SULF2: variants seen among roughly 807,000 people sequenced by gnomAD.
SULF2 encodes extracellular sulfatase Sulf-2.
SULF2 carries 52 observed loss-of-function variants against 107.7 expected under a neutral mutation model. The ratio of observed to expected loss-of-function variants is 0.48; its 90% confidence interval spans 0.39 to 0.61. SULF2 has a LOEUF of 0.61. SULF2 is among the 20% of genes least tolerant of loss of function. The probability of loss-of-function intolerance (pLI) is 0.00; values close to 1 mark genes in which losing one functional copy is unlikely to be tolerated. For synonymous variants in SULF2, 460 were observed against 464.3 expected, an observed-to-expected ratio of 0.99 and a Z score of 0.12; for missense variants, 993 against 1,177.3, an observed-to-expected ratio of 0.84 and a Z score of 2.29.
chr20:47,681,625 C>T (rs1200621655), intron 7 of SULF2, among the ~76,000 whole-genome samples: 2 of 152,176 alleles, frequency 1.3e-5, no homozygotes, highest in African/African-American at 4.8e-5. Context: ...GCCTCAGTGG[C>T]CTTGGGTGTA....
chr20:47,665,426 A>G lies in SULF2; in HGVS notation c.1903-133T>C. The G allele has an allele frequency of 5.7e-6, 4 of 699,458 alleles. 1 individual carries two copies. The highest frequency in any genetic ancestry group is 3.3e-5 in the South Asian group (2 of 60,968). 43.3% of individuals were successfully genotyped at this position (699,458 alleles called of 1,614,324 possible). ...CCTGCACTCCCCGGGCCCCAGGGCA[A>G]GCACCGGCATGTCTGGGTGGGGAGG... On this transcript the variant is annotated intron_variant, in intron 13 of 20. Transcript: ENST00000688720.
chr20:47,736,606 G>A, intron 3 of SULF2, 97 bp downstream of exon 3: 1 of 1,508,260 alleles, frequency 6.6e-7, no homozygotes, highest in African/African-American at 1.4e-5. Flanking sequence ...GGGCTATCCA[G>A]AATCAACTTG....
chr20:47,731,918 T>C (rs2089623197), intron 3 of SULF2, among the ~76,000 whole-genome samples: 1 of 152,226 alleles, frequency 6.6e-6, no homozygotes, highest in Non-Finnish European at 1.5e-5. Flanking sequence ...ATTTTGCTGA[T>C]TACCAGAGGC....
intron 3 of SULF2, among the ~76,000 whole-genome samples, chr20:47,713,611 G>A (rs906150405): frequency 3.3e-5 from 5 of 152,040 alleles, no homozygotes; most frequent in Non-Finnish European, 7.4e-5. Flanking sequence ...AGGGCCAGGC[G>A]TGGTGGCTCA....
At chr20:47,665,019 C>G (rs987415775) in intron 14 of SULF2, among the ~76,000 whole-genome samples, 180 bp downstream of exon 14, 4 of 152,208 alleles carry the variant, frequency 2.6e-5, no homozygotes, top group African/African-American at 9.7e-5. Flanking sequence ...GGCTGAGGAG[C>G]AGGTCCGTGT....
chr20:47,679,878 C>G (rs968933504), intron 7 of SULF2, among the ~76,000 whole-genome samples: 3 of 152,146 alleles, frequency 2.0e-5, no homozygotes, highest in Non-Finnish European at 4.4e-5. Context: ...GCCCCCTCCC[C>G]ACCCTCCCTG....
chr20:47,683,252 T>C (rs2087889236), intron 6 of SULF2, 83 bp from the exon 7 acceptor site: 2 of 1,397,176 alleles, frequency 1.4e-6, no homozygotes, highest in East Asian at 4.8e-5. Flanking sequence ...GCGCTTGAGA[T>C]CTCAGGCCCC....
Position 47,666,124 on chromosome 20 carries a change from T to C in SULF2, c.1805+136A>G, listed in dbSNP as rs973796317. On this transcript the variant is annotated intron_variant, in intron 12 of 20. Transcript: ENST00000688720. The surrounding 1 kb of genome is among the most constrained non-coding windows in gnomAD (Gnocchi z 5.4). ...TTTAATGGGGTTGGCGGCTGAATAG[T>C]CGGGAAGGCCTCCAGTGCCACTGAA... 6.2e-7 allele frequency: 1 copy of C among 1,611,758 alleles called. No individual in the cohort carries two copies.
intron 3 of SULF2, among the ~76,000 whole-genome samples, chr20:47,734,442 T>C (rs1204736834): frequency 6.6e-6 from 1 of 152,252 alleles, no homozygotes; most frequent in Non-Finnish European, 1.5e-5. Flanking sequence ...TTGAATTCAT[T>C]ATAGATTTTT....
intron 2 of SULF2, among the ~76,000 whole-genome samples, chr20:47,746,978 T>TTTA (rs1317317602): frequency 9.8e-5 from 5 of 51,198 alleles, no homozygotes; most frequent in Admixed American, 2.4e-4. Context: ...AGAACTTAAA[T>TTTA]AAATAAAAAA....
intron 3 of SULF2, among the ~76,000 whole-genome samples, chr20:47,723,262 A>G (rs975417544): frequency 6.6e-6 from 1 of 152,082 alleles, no homozygotes; most frequent in Non-Finnish European, 1.5e-5. Flanking sequence ...GAAAAAAAAA[A>G]AAGTTCACAA....
chr20:47,689,411 T>A (rs1199625580), intron 5 of SULF2: 1 of 152,266 alleles, frequency 6.6e-6, no homozygotes, highest in East Asian at 1.9e-4. Context: ...CCAGCTATCA[T>A]GCTGTGAGGA....
At chr20:47,735,865 C>A (rs1340779118) in intron 3 of SULF2, among the ~76,000 whole-genome samples, 1 of 152,130 alleles carries the variant, frequency 6.6e-6, no homozygotes, top group Admixed American at 6.5e-5. Context: ...GAGGAGGAGT[C>A]CATCCTTCCC....
Position 47,663,135 on chromosome 20 carries a change from A to G in SULF2, c.2305T>C (p.Phe769Leu), listed in dbSNP as rs770762384. The G allele has an allele frequency of 1.5e-5, 24 of 1,613,928 alleles. No homozygotes were observed. The South Asian group carries it at 2.5e-4, about 17-fold the overall frequency. Residue 769 changes from phenylalanine (F) to leucine (L), a missense_variant, in exon 17 of 21, where the codon TTC becomes CTC. By Grantham distance (22) the Phe-to-Leu change is conservative. This residue lies in a region of SULF2 where 497 missense variants were observed against 544.1 expected (regional missense o/e 0.91). Coordinates refer to ENST00000688720, the MANE Select transcript of SULF2 (RefSeq NM_001387048.1). The part of the protein sequence containing the change: ...CMRTINETHN[F>L]LFCEFATGFL... ...CCAGTTGCAAATTCACAGAAGAGGA[A>G]ATTGTGAGTCTCATTGATGGTCCTC...
At position 47,779,058 on chromosome 20, in the gene SULF2, ACTC is replaced by A. The variant is rs372631158; in HGVS notation, c.-101+6282_-101+6284del. On this transcript the variant is annotated intron_variant, in intron 1 of 20. Coordinates refer to ENST00000688720, the MANE Select transcript of SULF2 (RefSeq NM_001387048.1). ...CATTTCCACGTCGGAATTCCAGATC[ACTC>A]CTCCTCCCCAAAACCTTCTCTCCTA... 3.6e-4 allele frequency among the ~76,000 whole-genome samples: 54 copies of A among 151,628 alleles called. No individual in the cohort carries two copies. In the East Asian group the frequency reaches 5.4e-3, roughly 15 times the overall value.
chr20:47,692,934 C>T (rs965519118), intron 4 of SULF2, among the ~76,000 whole-genome samples: 1 of 152,132 alleles, frequency 6.6e-6, no homozygotes, highest in Non-Finnish European at 1.5e-5. Flanking sequence ...GAGGAGAAAC[C>T]AAACTCTAAC....
At chr20:47,663,664 G>T (rs1377185611) in intron 15 of SULF2, 42 bp from the exon 16 acceptor site, 1 of 1,523,084 alleles carries the variant, frequency 6.6e-7, no homozygotes, top group Non-Finnish European at 8.8e-7. Context: ...GCCTCTGAGG[G>T]ATCAGTGACC....
At chr20:47,752,909 T>C (rs2090190805) in intron 2 of SULF2, among the ~76,000 whole-genome samples, 1 of 152,008 alleles carries the variant, frequency 6.6e-6, no homozygotes, top group African/African-American at 2.4e-5. Flanking sequence ...GAGGCCAACC[T>C]GGCCAACATG....
intron 1 of SULF2, among the ~76,000 whole-genome samples, chr20:47,758,242 C>T (rs2090341270): frequency 6.8e-6 from 1 of 147,382 alleles, no homozygotes; most frequent in Non-Finnish European, 1.5e-5. Flanking sequence ...CATCTGGGCT[C>T]ACTGCGACCT....
Sources: gnomAD v4.1 joint callset for allele counts (sites outside exome capture counted in the v4.1 genomes callset) on GRCh38, gnomAD v4.1.1 for gene constraint, gnomAD v4.1.1 regional missense constraint, Gnocchi (gnomAD v3.1) non-coding constraint, MANE v1.5 for transcripts, NCBI Gene and HGNC (gene_info 2026-07-23, HGNC 2026-07-21) for gene names.